Variants in TLN2 observed in about 807,000 individuals in gnomAD.
TLN2 encodes the protein talin-2.
TLN2 carries 118 observed loss-of-function variants against 294.7 expected under a neutral mutation model. The observed-to-expected ratio is 0.40, with a 90% CI of 0.34 to 0.47. The LOEUF (loss-of-function observed/expected upper bound fraction) is 0.47. Among genes scored for constraint, TLN2 ranks in the 20% least tolerant of loss-of-function variants. TLN2 has a pLI of 0.84. For missense variants in TLN2, 3,083 were observed against 3,282.2 expected, an observed-to-expected ratio of 0.94 and a Z score of 1.48; for synonymous variants, 1,431 against 1,304.5, an observed-to-expected ratio of 1.10 and a Z score of -2.09.
intron 37 of TLN2, among the ~76,000 whole-genome samples, chr15:62,760,861 G>A (rs1358515351): frequency 6.6e-6 from 1 of 152,086 alleles, no homozygotes; most frequent in African/African-American, 2.4e-5. Flanking sequence ...TATGTTTAGA[G>A]TTCAGTGAAT....
chr15:62,719,306 G>A lies in TLN2; in HGVS notation c.2878-461G>A, dbSNP rs147560160. On this transcript the variant is annotated intron_variant, in intron 24 of 58. Transcript: ENST00000636159. ...AGAGGGGCCATGGCAACACAAAGGC[G>A]CAGAATGTGTGCCTGCAAAGTAAGA... Among the ~76,000 whole-genome samples, 565 of 152,302 alleles carry A rather than the reference G, an allele frequency of 3.7e-3. 3 individuals are homozygous for A. The highest frequency in any genetic ancestry group is 0.01 in the Middle Eastern group (3 of 294).
intron 14 of TLN2, 42 bp downstream of exon 14, chr15:62,694,434 G>T: frequency 6.4e-7 from 1 of 1,570,210 alleles, no homozygotes; most frequent in South Asian, 1.1e-5. Flanking sequence ...CTTCTCCCTA[G>T]ATAGGTAGGT....
chr15:62,614,474 T>C (rs532091768), intron 2 of TLN2, among the ~76,000 whole-genome samples: 2 of 152,160 alleles, frequency 1.3e-5, no homozygotes, highest in Non-Finnish European at 2.9e-5. Flanking sequence ...TATATCTAAA[T>C]GGCCCTCTAC....
chr15:62,704,530 G>A (rs997530865), intron 19 of TLN2, among the ~76,000 whole-genome samples: 1 of 152,240 alleles, frequency 6.6e-6, no homozygotes, highest in Non-Finnish European at 1.5e-5. Context: ...ATCCATAGAT[G>A]TGTTTGTTTC....
At chr15:62,543,690 G>A (rs559640347) in intron 1 of TLN2, among the ~76,000 whole-genome samples, 67 of 151,548 alleles carry the variant, frequency 4.4e-4, no homozygotes, top group African/African-American at 1.5e-3. Flanking sequence ...AGGAGGCGGA[G>A]GTTGCAGTGA....
intron 55 of TLN2, 85 bp downstream of exon 55, chr15:62,833,714 C>T (rs1006299862): frequency 4.4e-5 from 68 of 1,536,716 alleles, no homozygotes; most frequent in Non-Finnish European, 5.7e-5. Context: ...AGCTTTTGTC[C>T]TGACCAAGGA....
chr15:62,829,121 T>A (rs1167292668), intron 54 of TLN2: 1 of 147,826 alleles, frequency 6.8e-6, no homozygotes, highest in Non-Finnish European at 1.5e-5. Context: ...AATTTTTTTC[T>A]GTTTGGTTTT....
chr15:62,418,752 C>G (rs2034221562), intron 1 of TLN2, among the ~76,000 whole-genome samples: 1 of 152,124 alleles, frequency 6.6e-6, no homozygotes. Context: ...TCACAAAGTA[C>G]ATTCTCAAGG....
chr15:62,840,542 A>C lies in TLN2; in HGVS notation c.7561A>C (p.Lys2521Gln). ...KERELEEARK[K>Q]LAQIRQQQYK... ...GCGAGAACTGGAAGAAGCAAGGAAA[A>C]AACTGGCCCAAATCCGCCAGCAGCA... Residue 2521 changes from lysine (K) to glutamine (Q), a missense_variant, in exon 59 of 59, where the codon AAA (lysine) becomes CAA (glutamine). Physicochemically the swap from Lys to Gln is moderately conservative, Grantham distance 53 (BLOSUM62 1). Coordinates refer to ENST00000636159, the MANE Select transcript of TLN2 (RefSeq NM_015059.3). 6.2e-7 allele frequency: 1 copy of C among 1,614,200 alleles called. No individual in the cohort carries two copies. Among genetic ancestry groups the C allele is most frequent in the East Asian group, 2.2e-5 (1 of 44,870 alleles).
At chr15:62,468,414 G>A (rs1308946601) in intron 1 of TLN2, among the ~76,000 whole-genome samples, 1 of 152,176 alleles carries the variant, frequency 6.6e-6, no homozygotes, top group African/African-American at 2.4e-5. Flanking sequence ...AGACACTCCA[G>A]CCAGTCAGTT....
At chr15:62,785,045 A>G (rs374340984) in intron 45 of TLN2, among the ~76,000 whole-genome samples, 71 of 152,366 alleles carry the variant, frequency 4.7e-4, no homozygotes, top group African/African-American at 1.6e-3. Context: ...ATATGTATGT[A>G]CTTGCATACA....
rs144602912 is a variant in TLN2, at chr15:62,836,900, C to A, written c.7374+827C>A. ...TAACATTTTATCATATGTAATTTTT[C>A]CTTGAAGATAAGGCTTCATTAACTT... On this transcript the variant is annotated intron_variant, in intron 57 of 58. Transcript: ENST00000636159. 1.0e-3 allele frequency among the ~76,000 whole-genome samples: 157 copies of A among 152,284 alleles called. 1 individual carries two copies. Among genetic ancestry groups the A allele is most frequent in the Admixed American group, 1.3e-3 (20 of 15,302 alleles).
At chr15:62,555,162 A>G (rs1461298897) in intron 1 of TLN2, among the ~76,000 whole-genome samples, 1 of 152,190 alleles carries the variant, frequency 6.6e-6, no homozygotes, top group East Asian at 1.9e-4. Flanking sequence ...TTCCTGCAGA[A>G]CATCTATGGG....
rs1007742561 is a variant in TLN2, at chr15:62,792,649, C to T, written c.5745C>T (p.Phe1915=). The change falls in exon 46 of 59, where the codon TTC becomes TTT. Residue 1915 remains phenylalanine (F), a synonymous_variant. Coordinates refer to ENST00000636159, the MANE Select transcript of TLN2 (RefSeq NM_015059.3). ...AATAEPEEIG[F]QIRTRVQDLG... is the part of the protein sequence containing the mutation. ...TGGGCTTGCCTCTGCAGATCGGATT[C>T]CAGATTCGCACTCGTGTGCAGGACC... The T allele has an allele frequency of 3.1e-6, 5 of 1,613,134 alleles. No homozygotes were observed. In the African/African-American group the frequency reaches 5.3e-5, roughly 17 times the overall value.
intron 1 of TLN2, among the ~76,000 whole-genome samples, chr15:62,575,481 C>T (rs1233673654): frequency 6.6e-6 from 1 of 152,024 alleles, no homozygotes; most frequent in Non-Finnish European, 1.5e-5. Context: ...TAAGTGTTTA[C>T]TCTCAATTTC....
chr15:62,416,670 A>G (rs1035507894), intron 1 of TLN2, among the ~76,000 whole-genome samples: 4 of 152,164 alleles, frequency 2.6e-5, no homozygotes, highest in Admixed American at 6.5e-5. Context: ...GATGACTCTC[A>G]AGCCATTGCG....
At chr15:62,462,442 C>T (rs1286732471) in intron 1 of TLN2, among the ~76,000 whole-genome samples, 1 of 152,118 alleles carries the variant, frequency 6.6e-6, no homozygotes. Context: ...ACTGGCTGGA[C>T]ACATTGTTAG....
chr15:62,655,580 T>A (rs2053115124), intron 7 of TLN2, among the ~76,000 whole-genome samples: 1 of 11,716 alleles, frequency 8.5e-5, no homozygotes, highest in Non-Finnish European at 4.5e-3. Flanking sequence ...TATACATTCA[T>A]TGTAGCACAT....
intron 4 of TLN2, among the ~76,000 whole-genome samples, chr15:62,648,886 T>TG: frequency 6.6e-6 from 1 of 152,050 alleles, no homozygotes; most frequent in East Asian, 1.9e-4. Flanking sequence ...GCTCTGTCAC[T>TG]GGAGGCTGGA....
Sources: allele counts gnomAD v4.1 joint callset (sites outside exome capture counted in the v4.1 genomes callset), GRCh38; gene constraint gnomAD v4.1.1; transcripts MANE v1.5; gene names NCBI Gene and HGNC (gene_info 2026-07-23, HGNC 2026-07-21).